SASH1: variants seen among roughly 807,000 people sequenced by gnomAD.
The protein encoded by SASH1 is SAM and SH3 domain-containing protein 1.
Under a neutral mutation model 125.2 loss-of-function variants are expected in SASH1, and 44 were observed. The observed-to-expected ratio is 0.35, with a 90% CI of 0.28 to 0.45. The LOEUF (loss-of-function observed/expected upper bound fraction) is 0.45. Among genes scored for constraint, SASH1 ranks in the 20% least tolerant of loss-of-function variants. SASH1 has a pLI of 1.00. For missense variants in SASH1, 1,426 were observed against 1,614.5 expected, an observed-to-expected ratio of 0.88 and a Z score of 2.00; for synonymous variants, 639 against 649.1, an observed-to-expected ratio of 0.98 and a Z score of 0.24.
the SASH1 span, among the ~76,000 whole-genome samples, chr6:148,223,189 G>C: frequency 6.6e-6 from 1 of 152,180 alleles, no homozygotes; most frequent in East Asian, 1.9e-4. Context: ...GTCTGGATTT[G>C]AATGCCAGTC....
At chr6:148,298,756 A>AG (rs1554231139) in intron 1 of SASH1, among the ~76,000 whole-genome samples, 21 of 122,316 alleles carry the variant, frequency 1.7e-4, no homozygotes, top group South Asian at 2.9e-4. Flanking sequence ...AGGAAGGAAG[A>AG]AAAGAGAGAA....
At chr6:148,490,235 GTAT>G (rs770457050) in intron 8 of SASH1, among the ~76,000 whole-genome samples, 55 of 151,288 alleles carry the variant, frequency 3.6e-4, no homozygotes, top group Non-Finnish European at 7.4e-4. Flanking sequence ...TTTGATAAGA[GTAT>G]TGCTCTGTCA....
chr6:148,311,759 GCA>G (rs1237514601), intron 1 of SASH1, among the ~76,000 whole-genome samples: 1 of 152,068 alleles, frequency 6.6e-6, no homozygotes, highest in Non-Finnish European at 1.5e-5. Context: ...AGCCAAAATG[GCA>G]CCATACCACT....
At chr6:148,359,330 T>TTG (rs967955365) in intron 1 of SASH1, among the ~76,000 whole-genome samples, 18 of 149,222 alleles carry the variant, frequency 1.2e-4, no homozygotes, top group African/African-American at 3.8e-4. Context: ...GGCCGGTTTT[T>TTG]TTTTTTTTTT....
chr6:148,457,711 A>G (rs1777425954), intron 4 of SASH1, among the ~76,000 whole-genome samples: 2 of 152,254 alleles, frequency 1.3e-5, no homozygotes, highest in South Asian at 4.1e-4. Context: ...TAACAAAGAC[A>G]TACCCAAGAC....
intron 1 of SASH1, among the ~76,000 whole-genome samples, chr6:148,344,126 A>G (rs1781439947): frequency 6.6e-6 from 1 of 152,218 alleles, no homozygotes. Flanking sequence ...AACCGTGTAC[A>G]GTTTTTAGCA....
At chr6:148,263,624 G>A in the SASH1 span, among the ~76,000 whole-genome samples, 7 of 152,292 alleles carry the variant, frequency 4.6e-5, no homozygotes, top group South Asian at 2.1e-4. Flanking sequence ...AAGGCGAAGC[G>A]TCTGTCTGCA....
intron 2 of SASH1, among the ~76,000 whole-genome samples, chr6:148,400,455 G>A (rs1008962026): frequency 1.3e-5 from 2 of 152,216 alleles, no homozygotes; most frequent in Non-Finnish European, 1.5e-5. Flanking sequence ...ACAGTAGAGA[G>A]AACTGAGCTC....
At chr6:148,411,041 C>A (rs975435886) in intron 2 of SASH1, among the ~76,000 whole-genome samples, 1 of 151,914 alleles carries the variant, frequency 6.6e-6, no homozygotes, top group Admixed American at 6.6e-5. Flanking sequence ...TGCCTGTAGT[C>A]CTAGCTATGC....
At chr6:148,452,019 C>G (rs17078375) in intron 4 of SASH1, among the ~76,000 whole-genome samples, 4,296 of 152,272 alleles carry the variant, frequency 0.028, 217 homozygotes, top group African/African-American at 0.099. Context: ...TCACAGGGCG[C>G]TTCTGCCCCA....
intron 1 of SASH1, among the ~76,000 whole-genome samples, chr6:148,362,222 T>C (rs113182271): frequency 0.16 from 23,638 of 150,368 alleles, 1,943 homozygotes; most frequent in African/African-American, 0.19. Context: ...CCACCGTGCC[T>C]GGCCTCTTTT....
chr6:148,333,939 C>G (rs1781069360), intron 1 of SASH1, among the ~76,000 whole-genome samples: 2 of 152,090 alleles, frequency 1.3e-5, no homozygotes, highest in Admixed American at 1.3e-4. Context: ...TCTCCTGCCT[C>G]AACCTCTCAA....
In SASH1 at chr6:148,533,018, A is replaced by G. The variant is rs1471228008; in HGVS notation, c.1734+52A>G. 5.0e-6 allele frequency: 8 copies of G among 1,589,566 alleles called. No homozygotes were observed. The highest frequency in any genetic ancestry group is 6.0e-6 in the Non-Finnish European group (7 of 1,160,262). ...GCTAACTGGGCTCTTCCATTTCTCT[A>G]GGAGGCTTTCTTTCCTCCTCACTGT... On this transcript the variant is annotated intron_variant, in intron 14 of 19. Transcript: ENST00000367467. This position sits in a 1 kb window ranked among gnomAD's most constrained non-coding sequence, Gnocchi z 6.2.
chr6:148,527,481 A>G lies in SASH1; in HGVS notation c.1313A>G (p.Glu438Gly). ...AAAGAAGGAGACTTTGTGTACAAAGAAGTCATCAAATCACCTACTGCCTCT... is the reference window on the plus strand; with the variant it reads ...AAAGAAGGAGACTTTGTGTACAAAGGAGTCATCAAATCACCTACTGCCTCT... ...MGKEGDFVYK[E>G]VIKSPTASRI... The change falls in exon 12 of 20, where the codon GAA becomes GGA. Residue 438 changes from glutamate to glycine, a missense_variant. Around this residue, in one of 3 missense-constraint regions of SASH1, gnomAD observed 567 missense variants for 575.6 expected, o/e 0.99. Transcript: ENST00000367467. 1 of 1,607,884 alleles carries G rather than the reference A, an allele frequency of 6.2e-7. No individual in the cohort carries two copies. Among genetic ancestry groups the G allele is most frequent in the Non-Finnish European group, 8.5e-7 (1 of 1,178,314 alleles).
At chr6:148,200,826 C>T in the SASH1 span, among the ~76,000 whole-genome samples, 4 of 152,162 alleles carry the variant, frequency 2.6e-5, no homozygotes, top group Admixed American at 1.3e-4. Context: ...TATAGGGAAG[C>T]TTTAAAATTA....
chr6:148,276,572 C>G (rs1779189305), intron 1 of SASH1, among the ~76,000 whole-genome samples: 2 of 152,028 alleles, frequency 1.3e-5, no homozygotes, highest in Admixed American at 1.3e-4. Flanking sequence ...GAAGAGGGAA[C>G]AAAGTATATG....
At chr6:148,373,695 C>T (rs150544016) in intron 1 of SASH1, among the ~76,000 whole-genome samples, 67 of 152,016 alleles carry the variant, frequency 4.4e-4, no homozygotes, top group Non-Finnish European at 7.5e-4. Context: ...CTGGGCTGGG[C>T]GCAGTGGCTC....
intron 2 of SASH1, among the ~76,000 whole-genome samples, chr6:148,428,611 A>G (rs1775925125): frequency 1.0e-5 from 1 of 99,816 alleles, no homozygotes; most frequent in Admixed American, 1.1e-4. Context: ...CCAGAGCCAC[A>G]AGAGTGAAAC....
At chr6:148,451,280 G>T (rs934202701) in intron 4 of SASH1, among the ~76,000 whole-genome samples, 5 of 152,196 alleles carry the variant, frequency 3.3e-5, no homozygotes, top group Non-Finnish European at 7.3e-5. Context: ...GCTACCTTGG[G>T]CTTACTCGTG....
Sources: allele counts gnomAD v4.1 joint callset (sites outside exome capture counted in the v4.1 genomes callset), GRCh38; gene constraint gnomAD v4.1.1; regional missense constraint gnomAD v4.1.1; non-coding constraint Gnocchi (gnomAD v3.1); transcripts MANE v1.5; gene names NCBI Gene and HGNC (gene_info 2026-07-23, HGNC 2026-07-21).